Variants in PBLD observed in about 807,000 individuals in gnomAD.
The protein encoded by PBLD is phenazine biosynthesis like protein domain containing, also known as phenazine biosynthesis-like domain-containing protein.
Under a neutral mutation model 31.3 loss-of-function variants are expected in PBLD, and 26 were observed. That is an observed-to-expected ratio of 0.83 (90% CI 0.61 to 1.15). The LOEUF (loss-of-function observed/expected upper bound fraction) is 1.15. Among genes scored for constraint, PBLD ranks in the 50% most tolerant of loss-of-function variants. PBLD has a pLI of 0.00. For missense variants in PBLD, 307 were observed against 351.7 expected, an observed-to-expected ratio of 0.87 and a Z score of 1.02; for synonymous variants, 114 against 129.0, an observed-to-expected ratio of 0.88 and a Z score of 0.79.
intron 4 of PBLD, among the ~76,000 whole-genome samples, chr10:68,294,956 C>T (rs949138909): frequency 4.6e-5 from 7 of 152,116 alleles, no homozygotes; most frequent in Admixed American, 4.6e-4. Flanking sequence ...TCTGTCCTAT[C>T]ATCCTGTTTC....
intron 1 of PBLD, among the ~76,000 whole-genome samples, chr10:68,314,266 C>T (rs79484148): frequency 0.042 from 6,397 of 152,248 alleles, 213 homozygotes; most frequent in East Asian, 0.19. Context: ...CATGAACCAC[C>T]ACACCTAGCC....
chr10:68,287,252 G>T (rs1194673208), intron 8 of PBLD: 4 of 152,164 alleles, frequency 2.6e-5, no homozygotes, highest in African/African-American at 9.7e-5. Flanking sequence ...TCAGATGTTG[G>T]TTATCAAAGT....
intron 8 of PBLD, among the ~76,000 whole-genome samples, chr10:68,286,126 C>T (rs1479111617): frequency 7.5e-5 from 9 of 120,800 alleles, no homozygotes; most frequent in African/African-American, 2.2e-4. Context: ...CTCGCTCTGT[C>T]GCCCAGGCTG....
At position 68,317,164 on chromosome 10, in the gene PBLD, T is replaced by C. The variant is rs1336156964; in HGVS notation, c.-59-10261A>G. ...AAATGATATACTCAAAGCAAGAATA[T>C]AGACCAAAAGAACAACTGTCAACCA... On this transcript the variant is annotated intron_variant, in intron 1 of 9. Transcript: ENST00000358769. Among the ~76,000 whole-genome samples, 5 of 152,136 alleles carry C rather than the reference T, an allele frequency of 3.3e-5. No individual in the cohort carries two copies. The East Asian group carries it at 7.7e-4, about 23-fold the overall frequency.
At chr10:68,317,299 A>G (rs751002883) in intron 1 of PBLD, among the ~76,000 whole-genome samples, 3 of 152,200 alleles carry the variant, frequency 2.0e-5, no homozygotes, top group Non-Finnish European at 2.9e-5. Flanking sequence ...CCTTTTCTGG[A>G]GGAAGTATTA....
intron 1 of PBLD, among the ~76,000 whole-genome samples, chr10:68,321,791 C>T (rs1462555330): frequency 6.6e-6 from 1 of 152,062 alleles, no homozygotes; most frequent in Admixed American, 6.6e-5. Context: ...ATTTGAGTAA[C>T]AAAAGAAGCA....
intron 2 of PBLD, among the ~76,000 whole-genome samples, chr10:68,301,809 G>C (rs4363487): frequency 0.79 from 119,787 of 152,106 alleles, 47,803 homozygotes; most frequent in Non-Finnish European, 0.86. Flanking sequence ...AGGACGCAAA[G>C]TCCACTGCCC....
chr10:68,331,171 T>TA lies in PBLD; in HGVS notation c.-60+1612dup, dbSNP rs200139064. On this transcript the variant is annotated intron_variant, in intron 1 of 9. Coordinates refer to ENST00000358769, the MANE Select transcript of PBLD (RefSeq NM_022129.4). ...ACCGCGGCCAGCCTTTTTTGGAACT[T>TA]AAAAAAAAAGCCATAATGTGTCATT... 469 of 151,170 alleles carry TA rather than the reference T, an allele frequency of 3.1e-3. 3 individuals are homozygous for TA. The highest frequency in any genetic ancestry group is 0.014 in the South Asian group (68 of 4,776). 9.4% of individuals were successfully genotyped at this position (151,170 alleles called of 1,614,324 possible).
chr10:68,294,908 AG>A lies in PBLD; in HGVS notation c.283+1357del, dbSNP rs2044404925. The stretch of plus-strand genomic sequence containing the variant: ...ATGCTCAGCTAATTTTTGTATTTTT[AG>A]TAGAGACGGGGTTTTGCCCATCCCC... On this transcript the variant is annotated intron_variant, in intron 4 of 9. Coordinates refer to ENST00000358769, the MANE Select transcript of PBLD (RefSeq NM_022129.4). 2.6e-5 allele frequency among the ~76,000 whole-genome samples: 4 copies of A among 152,202 alleles called. No individual in the cohort carries two copies. The South Asian group carries it at 8.3e-4, about 31-fold the overall frequency.
chr10:68,296,606 C>T (rs948097812), intron 3 of PBLD, among the ~76,000 whole-genome samples: 1 of 152,166 alleles, frequency 6.6e-6, no homozygotes. Flanking sequence ...CAGAATCTCC[C>T]GCTCTATCTA....
chr10:68,288,950 G>A lies in PBLD; in HGVS notation c.493C>T (p.Leu165Phe). The A allele has an allele frequency of 3.1e-6, 5 of 1,614,196 alleles. No individual in the cohort carries two copies. The highest frequency in any genetic ancestry group is 4.2e-6 in the Non-Finnish European group (5 of 1,180,028). The change falls in exon 7 of 10, where the codon CTC (leucine) becomes TTC (phenylalanine). Residue 165 changes from leucine to phenylalanine, a missense_variant. Physicochemically the swap from Leu to Phe is conservative, Grantham distance 22. Coordinates refer to ENST00000358769, the MANE Select transcript of PBLD (RefSeq NM_022129.4). ...SPDTQKLLVR[L>F]SDVYNRSFLE... is the part of the protein sequence containing the mutation. ...TCTTACCTGTTGTAAACGTCACTGA[G>A]GCGGACGAGGAGCTTTTGGGTATCT...
rs545412257 is a variant in PBLD at position 68,327,003 on chromosome 10, C to T, written c.-60+5781G>A. Among the ~76,000 whole-genome samples, 8 of 151,978 alleles carry T rather than the reference C, an allele frequency of 5.3e-5. No individual in the cohort carries two copies. The East Asian group carries it at 7.8e-4, about 15-fold the overall frequency. On this transcript the variant is annotated intron_variant, in intron 1 of 9. Coordinates refer to ENST00000358769, the MANE Select transcript of PBLD (RefSeq NM_022129.4). ...CAAGGGTTGCAGTGAGCTGAGATCG[C>T]GCCACTGCACTCCAGTCTGGCGACA...
intron 1 of PBLD, among the ~76,000 whole-genome samples, chr10:68,319,100 AAAGAAAGAAAGG>A (rs2044789369): frequency 3.0e-5 from 4 of 133,936 alleles, no homozygotes; most frequent in African/African-American, 1.2e-4. Flanking sequence ...AGAAAGAAAG[AAAGAAAGAAAGG>A]AAAAAGAAAG....
intron 4 of PBLD, chr10:68,295,946 G>A (rs2044420984): frequency 5.9e-6 from 1 of 170,498 alleles, no homozygotes; most frequent in African/African-American, 2.4e-5. Flanking sequence ...GGGCAACACA[G>A]TGAGACTCTG....
At chr10:68,306,969 C>A in intron 1 of PBLD, 66 bp from the exon 2 acceptor site, 1 of 660,868 alleles carries the variant, frequency 1.5e-6, no homozygotes, top group Middle Eastern at 3.7e-4. Context: ...GAACAGTTCC[C>A]AGATACAAAG....
chr10:68,306,753 G>T lies in PBLD; in HGVS notation c.84+8C>A, dbSNP rs1564732316. 1 of 1,609,832 alleles carries T rather than the reference G, an allele frequency of 6.2e-7. No individual in the cohort carries two copies. Among genetic ancestry groups the T allele is most frequent in the African/African-American group, 1.3e-5 (1 of 74,856 alleles). ...TTCAGGTACTGTAATTCAAAACCAA[G>T]CACTTACATTTTCTAGGAGGCAAAC... On this transcript the variant is annotated splice_region_variant and intron_variant, in intron 2 of 9. Transcript: ENST00000358769.
rs76200002 is a variant in PBLD at position 68,296,455 on chromosome 10, T to C, written c.185-91A>G. 9.9e-4 allele frequency: 937 copies of C among 943,104 alleles called. 14 individuals carry two copies. In the East Asian group the frequency reaches 0.022, roughly 22 times the overall value. 58.4% of individuals were successfully genotyped at this position (943,104 alleles called of 1,614,324 possible). A position where few individuals can be genotyped will look rare whatever the true frequency, so the allele number is the denominator to read the frequency against. ...TTTTCTTCTTTCCTATATAGTTCTCTAGCATGATGAGTAGCCAAAACATGT... is the reference window on the plus strand; with the variant it reads ...TTTTCTTCTTTCCTATATAGTTCTCCAGCATGATGAGTAGCCAAAACATGT... On this transcript the variant is annotated intron_variant, in intron 3 of 9. Coordinates refer to ENST00000358769, the MANE Select transcript of PBLD (RefSeq NM_022129.4).
intron 2 of PBLD, among the ~76,000 whole-genome samples, chr10:68,298,797 C>T (rs914040996): frequency 6.7e-6 from 1 of 149,964 alleles, no homozygotes; most frequent in Non-Finnish European, 1.5e-5. Flanking sequence ...CACACACATT[C>T]CTCTTAACTC....
At position 68,283,808 on chromosome 10, in the gene PBLD, T is replaced by G. The variant is rs182315384; in HGVS notation, c.*369A>C. The G allele has an allele frequency of 1.2e-4, 25 of 210,934 alleles. No individual in the cohort carries two copies. The highest frequency in any genetic ancestry group is 3.2e-4 in the Admixed American group (6 of 18,964). The allele number at this position is 210,934 out of a possible 1,614,324, so 13.1% of individuals were successfully genotyped here. On this transcript the variant is annotated 3_prime_UTR_variant, in exon 10 of 10. Coordinates refer to ENST00000358769, the MANE Select transcript of PBLD (RefSeq NM_022129.4). ...TTGCCCAGGCTGGAGTGCAGTGGTG[T>G]GATCTCTGCTCACTGCAACTTCTGC... is the stretch of plus-strand genomic sequence containing the variant.
Sources: gnomAD v4.1 joint callset for allele counts (sites outside exome capture counted in the v4.1 genomes callset) on GRCh38, gnomAD v4.1.1 for gene constraint, MANE v1.5 for transcripts, NCBI Gene and HGNC (gene_info 2026-07-23, HGNC 2026-07-21) for gene names.